Variants in PTGER3 observed in about 807,000 individuals in gnomAD.
PTGER3 encodes prostaglandin E2 receptor EP3 subtype.
Under a neutral mutation model 34.7 loss-of-function variants are expected in PTGER3, and 22 were observed. That is an observed-to-expected ratio of 0.63 (90% CI 0.45 to 0.91). The LOEUF is 0.91. Among genes scored for constraint, PTGER3 ranks in the 40% least tolerant of loss-of-function variants. The pLI is 0.00. For missense variants in PTGER3, 468 were observed against 519.4 expected, an observed-to-expected ratio of 0.90 and a Z score of 0.96; for synonymous variants, 241 against 230.1, an observed-to-expected ratio of 1.05 and a Z score of -0.43.
chr1:70,898,575 G>A (rs979124131), intron 4 of PTGER3, among the ~76,000 whole-genome samples: 4 of 152,158 alleles, frequency 2.6e-5, no homozygotes, highest in Non-Finnish European at 5.9e-5. Context: ...ACATAGTGTA[G>A]TGGTCATGAG....
intron 2 of PTGER3, chr1:70,953,882 T>C (rs1651033105): frequency 3.5e-6 from 2 of 574,548 alleles, no homozygotes; most frequent in Non-Finnish European, 5.9e-6. Flanking sequence ...TCAATGAAAA[T>C]AGCTATTTCT....
chr1:70,892,346 C>A lies in PTGER3; in HGVS notation c.*24-39487G>T, dbSNP rs763765055. The stretch of plus-strand genomic sequence containing the variant: ...GGTGTTCAAAGTGCTCAGCACAGTG[C>A]TTGGCACAGAATGAATAGTAAATGG... On this transcript the variant is annotated intron_variant, in intron 4 of 4. Coordinates refer to the PTGER3 transcript ENST00000370931. Among the ~76,000 whole-genome samples, 35 of 152,320 alleles carry A rather than the reference C, an allele frequency of 2.3e-4. 1 individual carries two copies. The highest frequency in any genetic ancestry group is 1.0e-3 in the Admixed American group (16 of 15,302).
At chr1:70,868,126 C>T (rs968322255) in intron 4 of PTGER3, among the ~76,000 whole-genome samples, 8 of 152,010 alleles carry the variant, frequency 5.3e-5, no homozygotes, top group African/African-American at 1.9e-4. Flanking sequence ...ACACTGTCCC[C>T]ACTACCTCCA....
intron 2 of PTGER3, among the ~76,000 whole-genome samples, chr1:70,981,367 CTTTCTTTCTTTCTTTCTTTCTTTCT>C (rs1557708937): frequency 1.7e-3 from 166 of 99,282 alleles, no homozygotes; most frequent in African/African-American, 5.3e-3. Context: ...TTCTTTCTTT[CTTTCTTTCTTTCTTTCTTTCTTTCT>C]TTCCTTCCTT....
At chr1:71,046,563 C>T (rs1325249565) in intron 1 of PTGER3, 118 bp downstream of exon 1, 15 of 1,262,244 alleles carry the variant, frequency 1.2e-5, no homozygotes, top group Non-Finnish European at 1.6e-5. Context: ...GAGGAAAGGA[C>T]ACTTCAGCGC....
At chr1:70,918,936 C>G (rs1647286484) in intron 4 of PTGER3, among the ~76,000 whole-genome samples, 1 of 151,944 alleles carries the variant, frequency 6.6e-6, no homozygotes, top group African/African-American at 2.4e-5. Flanking sequence ...CCTGCAATAT[C>G]CATTTCAATG....
intron 4 of PTGER3, among the ~76,000 whole-genome samples, chr1:70,865,226 C>G (rs1028555041): frequency 2.0e-5 from 3 of 152,148 alleles, no homozygotes; most frequent in Admixed American, 6.5e-5. Flanking sequence ...GCATTGAGAC[C>G]TAATTCCAAA....
intron 4 of PTGER3, among the ~76,000 whole-genome samples, chr1:70,935,062 A>T (rs945245335): frequency 8.5e-5 from 13 of 152,184 alleles, no homozygotes; most frequent in Non-Finnish European, 1.5e-5. Context: ...AAAAAGAGAA[A>T]TAAGTCCATA....
At chr1:71,037,583 AGTTTTTAC>A (rs1659950146) in intron 1 of PTGER3, among the ~76,000 whole-genome samples, 2 of 152,198 alleles carry the variant, frequency 1.3e-5, no homozygotes. Context: ...TTTCCTAATA[AGTTTTTAC>A]GTATTTTCCC....
At chr1:70,996,757 AG>A (rs1656008369) in intron 2 of PTGER3, among the ~76,000 whole-genome samples, 1 of 134,672 alleles carries the variant, frequency 7.4e-6, no homozygotes. Context: ...TCCGCCTCCC[AG>A]GTTCACGCCA....
At chr1:71,043,587 C>T (rs1446388769) in intron 1 of PTGER3, among the ~76,000 whole-genome samples, 6 of 152,160 alleles carry the variant, frequency 3.9e-5, no homozygotes, top group Admixed American at 6.5e-5. Context: ...TAGTATCCTA[C>T]ACCCAACTTA....
chr1:71,036,123 C>T (rs1365230604), intron 1 of PTGER3, among the ~76,000 whole-genome samples: 1 of 152,184 alleles, frequency 6.6e-6, no homozygotes, highest in African/African-American at 2.4e-5. Flanking sequence ...AATTTGGAAT[C>T]ATTAGCTTTA....
intron 4 of PTGER3, among the ~76,000 whole-genome samples, chr1:70,854,135 A>G (rs1357942661): frequency 2.0e-5 from 3 of 152,188 alleles, no homozygotes; most frequent in Admixed American, 1.3e-4. Context: ...AGTACATCAA[A>G]CTTAAAGCCT....
intron 4 of PTGER3, among the ~76,000 whole-genome samples, chr1:70,874,867 A>G (rs867708242): frequency 6.6e-6 from 1 of 152,120 alleles, no homozygotes; most frequent in Admixed American, 6.5e-5. Flanking sequence ...TAAATATAGG[A>G]ACTTGGGAAA....
chr1:70,926,504 T>G (rs1648102604), intron 4 of PTGER3, among the ~76,000 whole-genome samples: 3 of 152,196 alleles, frequency 2.0e-5, no homozygotes, highest in Admixed American at 1.3e-4. Flanking sequence ...TGTATAAGAA[T>G]GCTTGTGATT....
At chr1:71,012,615 T>C (rs985183752) in intron 1 of PTGER3, 131 bp from the exon 2 acceptor site, 5 of 746,002 alleles carry the variant, frequency 6.7e-6, no homozygotes, top group East Asian at 5.3e-5. Context: ...TCAAGCAACA[T>C]TTATACTTGG....
chr1:70,852,920 T>A, intron 4 of PTGER3: 1 of 1,552,618 alleles, frequency 6.4e-7, no homozygotes. Context: ...ATATCTTAAA[T>A]AAAAATCAAA....
chr1:70,993,561 G>A (rs940984204), intron 2 of PTGER3, among the ~76,000 whole-genome samples: 2 of 152,100 alleles, frequency 1.3e-5, no homozygotes, highest in Non-Finnish European at 2.9e-5. Context: ...TAGGTGAAGA[G>A]GGTTAATAAC....
chr1:70,959,217 A>G (rs1217873313), intron 2 of PTGER3, among the ~76,000 whole-genome samples: 1 of 152,196 alleles, frequency 6.6e-6, no homozygotes, highest in Non-Finnish European at 1.5e-5. Context: ...GAATGTCACT[A>G]GTATTTTGAT....
Sources: gnomAD v4.1 joint callset for allele counts (sites outside exome capture counted in the v4.1 genomes callset) on GRCh38, gnomAD v4.1.1 for gene constraint, MANE v1.5 for transcripts, NCBI Gene and HGNC (gene_info 2026-07-23, HGNC 2026-07-21) for gene names.